Variants in FBXO28 observed in about 807,000 individuals in gnomAD.
FBXO28 encodes F-box protein 28, also known as F-box only protein 28.
A neutral mutation model predicts 38.1 loss-of-function variants in FBXO28; 8 were observed. That is an observed-to-expected ratio of 0.21 (90% CI 0.12 to 0.38). The LOEUF is 0.38. FBXO28 is among the 10% of genes least tolerant of loss of function. FBXO28 has a pLI of 1.00. For synonymous variants in FBXO28, 168 were observed against 173.8 expected (o/e 0.97, Z 0.26); for missense variants, 345 against 460.6 (o/e 0.75, Z 2.30).
chr1:224,131,269 C>G (rs1657035530), intron 2 of FBXO28, among the ~76,000 whole-genome samples: 1 of 151,428 alleles, frequency 6.6e-6, no homozygotes, highest in Admixed American at 6.6e-5. Flanking sequence ...TTTTGTAACC[C>G]CTGTCAAAAA....
chr1:224,132,539 C>G (rs1029721900), intron 2 of FBXO28, among the ~76,000 whole-genome samples: 4 of 152,100 alleles, frequency 2.6e-5, no homozygotes, highest in African/African-American at 9.7e-5. Flanking sequence ...GATGTGATGG[C>G]TCACGCCTGT....
chr1:224,114,648 C>G (rs1034959499), intron 1 of FBXO28, among the ~76,000 whole-genome samples: 1 of 115,900 alleles, frequency 8.6e-6, no homozygotes, highest in African/African-American at 3.2e-5. Context: ...CCTTGCCCCC[C>G]GCCCGGAAGC....
At chr1:224,137,994 G>A (rs943017487) in intron 3 of FBXO28, among the ~76,000 whole-genome samples, 1 of 151,908 alleles carries the variant, frequency 6.6e-6, no homozygotes, top group Non-Finnish European at 1.5e-5. Context: ...TTGGGAGGCT[G>A]AGGCGGGCAA....
In FBXO28 at chr1:224,138,654, A is replaced by C. The variant is rs116475221; in HGVS notation, c.516+4442A>C. Among the ~76,000 whole-genome samples the C allele has an allele frequency of 1.1e-3, 160 of 152,016 alleles. 2 individuals are homozygous for C. The highest frequency in any genetic ancestry group is 3.7e-3 in the African/African-American group (153 of 41,294). ...ATATACTGACACACAACCGTATGTG[A>C]GCATTGAGCAACCAGCCATTCATAG... On this transcript the variant is annotated intron_variant, in intron 3 of 4. Coordinates refer to ENST00000366862, the MANE Select transcript of FBXO28 (RefSeq NM_015176.4).
chr1:224,146,723 T>G (rs866171032), intron 3 of FBXO28, among the ~76,000 whole-genome samples: 25 of 144,622 alleles, frequency 1.7e-4, no homozygotes, highest in African/African-American at 6.2e-4. Flanking sequence ...TTTTTTTTTT[T>G]GGGAGACTGA....
intron 3 of FBXO28, among the ~76,000 whole-genome samples, chr1:224,136,859 C>T (rs541883640): frequency 6.6e-6 from 1 of 151,556 alleles, no homozygotes; most frequent in Middle Eastern, 3.4e-3. Flanking sequence ...TTAGGCGATT[C>T]TCATGCCTCA....
At chr1:224,124,820 C>G (rs1368341372) in intron 1 of FBXO28, among the ~76,000 whole-genome samples, 1 of 152,078 alleles carries the variant, frequency 6.6e-6, no homozygotes, top group African/African-American at 2.4e-5. Flanking sequence ...ACCTTCACCT[C>G]AGGTTCAAGC....
intron 3 of FBXO28, among the ~76,000 whole-genome samples, chr1:224,140,913 T>G (rs1409861802): frequency 6.7e-6 from 1 of 148,426 alleles, no homozygotes; most frequent in African/African-American, 2.5e-5. Context: ...ACCACTGCAC[T>G]CCAGCCTGGG....
intron 3 of FBXO28, among the ~76,000 whole-genome samples, chr1:224,150,531 A>G (rs970703599): frequency 2.0e-5 from 3 of 152,162 alleles, no homozygotes; most frequent in Admixed American, 6.6e-5. Context: ...ATATTATATA[A>G]CTTTTAAGCT....
chr1:224,146,390 G>A (rs1462804285), intron 3 of FBXO28, among the ~76,000 whole-genome samples: 1 of 152,076 alleles, frequency 6.6e-6, no homozygotes, highest in East Asian at 1.9e-4. Context: ...AGAAAAAAAT[G>A]AGCATTTATG....
At position 224,153,835 on chromosome 1, in the gene FBXO28, C is replaced by T. The variant is rs1218275362; in HGVS notation, c.712+498C>T. The stretch of plus-strand genomic sequence containing the variant: ...ACTCTGGAGGCTGAGGCAGGAGAAC[C>T]GCTTGAACCTGGGAGGCAGAGGTTG... On this transcript the variant is annotated intron_variant, in intron 4 of 4. Transcript: ENST00000366862. 2.6e-5 allele frequency among the ~76,000 whole-genome samples: 4 copies of T among 151,834 alleles called. No homozygotes were observed. In the East Asian group the frequency reaches 5.8e-4, roughly 22 times the overall value.
rs141609262 is a variant in FBXO28, at chr1:224,115,493, A to G, written c.267+1097A>G. ...CCACTTTCAAGTGGATTATAATTAC[A>G]TTTTTAAAGGAAATCATAACATTTT... On this transcript the variant is annotated intron_variant, in intron 1 of 4. Coordinates refer to ENST00000366862, the MANE Select transcript of FBXO28 (RefSeq NM_015176.4). Among the ~76,000 whole-genome samples, 784 of 152,340 alleles carry G rather than the reference A, an allele frequency of 5.1e-3. 10 individuals carry two copies. Among genetic ancestry groups the G allele is most frequent in the Admixed American group, 0.012 (186 of 15,288 alleles).
At position 224,159,123 on chromosome 1, in the gene FBXO28, A is replaced by G. The variant is rs1288309375; in HGVS notation, c.*1377A>G. On this transcript the variant is annotated 3_prime_UTR_variant, in exon 5 of 5. Transcript: ENST00000366862. The stretch of plus-strand genomic sequence containing the variant: ...TGTATTTTAATTTACTAAATTATGT[A>G]GCTATTTGACTGTTAAGTTCTTTTA... 6.6e-6 allele frequency: 1 copy of G among 152,586 alleles called. No homozygotes were observed. The highest frequency in any genetic ancestry group is 1.5e-5 in the Non-Finnish European group (1 of 68,034). 9.5% of individuals were successfully genotyped at this position (152,586 alleles called of 1,614,324 possible). A position where few individuals can be genotyped will look rare whatever the true frequency, so the allele number is the denominator to read the frequency against.
Position 224,136,226 on chromosome 1 carries a change from T to G in FBXO28, c.516+2014T>G, listed in dbSNP as rs1266722513. On this transcript the variant is annotated intron_variant, in intron 3 of 4. Coordinates refer to ENST00000366862, the MANE Select transcript of FBXO28 (RefSeq NM_015176.4). ...CAGGTGCATTATTTGGATTGTTTTA[T>G]GAGTGTTCCCTTTTTTGTACTTCTC... Among the ~76,000 whole-genome samples, 4 of 151,682 alleles carry G rather than the reference T, an allele frequency of 2.6e-5. No individual in the cohort carries two copies. In the East Asian group the frequency reaches 7.8e-4, roughly 30 times the overall value.
intron 3 of FBXO28, among the ~76,000 whole-genome samples, chr1:224,143,911 T>G (rs780594201): frequency 6.8e-6 from 1 of 146,526 alleles, no homozygotes; most frequent in Non-Finnish European, 1.5e-5. Flanking sequence ...TTTGGGAGGC[T>G]GAGGCGGGTG....
chr1:224,152,405 G>T (rs1166865632), intron 3 of FBXO28, among the ~76,000 whole-genome samples: 5 of 152,150 alleles, frequency 3.3e-5, no homozygotes, highest in African/African-American at 1.2e-4. Flanking sequence ...AATAAAATGG[G>T]TTTGGGCAAT....
chr1:224,153,353 A>T lies in FBXO28; in HGVS notation c.712+16A>T. ...TCTCCTCCAGGTATCTCTACTTTAT[A>T]ATCATGCTTGTACATAATTTTGTAA... On this transcript the variant is annotated intron_variant, in intron 4 of 4. Transcript: ENST00000366862. 1 of 1,546,960 alleles carries T rather than the reference A, an allele frequency of 6.5e-7. No homozygotes were observed. The highest frequency in any genetic ancestry group is 8.7e-7 in the Non-Finnish European group (1 of 1,149,088).
rs1656942818 is a variant in FBXO28 at position 224,127,898 on chromosome 1, C to G, written c.268-2574C>G. On this transcript the variant is annotated intron_variant, in intron 1 of 4. Coordinates refer to ENST00000366862, the MANE Select transcript of FBXO28 (RefSeq NM_015176.4). Reference sequence around the variant, plus strand: ...CTTCAACCTGGGTGACAGCGAAACTCTGTCTGAAAACAAACAAACAAACAT... The same window carrying G: ...CTTCAACCTGGGTGACAGCGAAACTGTGTCTGAAAACAAACAAACAAACAT... Among the ~76,000 whole-genome samples, 4 of 152,302 alleles carry G rather than the reference C, an allele frequency of 2.6e-5. No homozygotes were observed. In the South Asian group the frequency reaches 8.3e-4, roughly 32 times the overall value.
At chr1:224,130,725 G>C (rs1657019389) in intron 2 of FBXO28, 144 bp downstream of exon 2, 1 of 561,566 alleles carries the variant, frequency 1.8e-6, no homozygotes, top group Non-Finnish European at 3.2e-6. Flanking sequence ...TTCTGCAGTG[G>C]TTTGTCCATT....
Sources: allele counts gnomAD v4.1 joint callset (sites outside exome capture counted in the v4.1 genomes callset), GRCh38; gene constraint gnomAD v4.1.1; transcripts MANE v1.5; gene names NCBI Gene and HGNC (gene_info 2026-07-23, HGNC 2026-07-21).